Variants in FOXP1 observed in about 807,000 individuals in gnomAD.
FOXP1 encodes forkhead box P1, also known as forkhead box protein P1.
FOXP1 carries 15 observed loss-of-function variants against 98.2 expected under a neutral mutation model. The observed-to-expected ratio is 0.15, with a 90% CI of 0.10 to 0.24. FOXP1 has a LOEUF of 0.24. FOXP1 is among the 10% of genes least tolerant of loss of function. The pLI, the probability that FOXP1 is intolerant of heterozygous loss-of-function variation, is 1.00. For synonymous variants in FOXP1, 371 were observed against 314.5 expected (o/e 1.18, Z -1.90); for missense variants, 633 against 848.5 (o/e 0.75, Z 3.15).
chr3:71,169,997 T>C (rs1438540434), intron 6 of FOXP1, among the ~76,000 whole-genome samples: 1 of 152,094 alleles, frequency 6.6e-6, no homozygotes, highest in Non-Finnish European at 1.5e-5. Context: ...AATCACGAGA[T>C]AGGCCCCATT....
intron 3 of FOXP1, among the ~76,000 whole-genome samples, chr3:71,472,434 ACTTTTC>A (rs2089447954): frequency 7.2e-6 from 1 of 139,062 alleles, no homozygotes; most frequent in Non-Finnish European, 1.6e-5. Context: ...GTAAAATCAT[ACTTTTC>A]CTTTTTTTTT....
At chr3:71,126,864 AAAC>A (rs761370758) in intron 6 of FOXP1, among the ~76,000 whole-genome samples, 46 of 49,008 alleles carry the variant, frequency 9.4e-4, no homozygotes, top group Admixed American at 3.5e-3. Context: ...AGAAAAAAAA[AAAC>A]AAACAAAAAA....
chr3:71,548,960 G>A (rs960057649), intron 2 of FOXP1, among the ~76,000 whole-genome samples: 18 of 152,286 alleles, frequency 1.2e-4, no homozygotes, highest in African/African-American at 4.3e-4. Flanking sequence ...CTAAGGCGGT[G>A]TGTTTAAATA....
chr3:71,149,285 A>C (rs967412864), intron 6 of FOXP1, among the ~76,000 whole-genome samples: 3 of 152,212 alleles, frequency 2.0e-5, no homozygotes, highest in African/African-American at 7.2e-5. Context: ...GAGGCAGGGT[A>C]TTCATAAATG....
intron 3 of FOXP1, among the ~76,000 whole-genome samples, chr3:71,401,792 GA>G (rs2081972283): frequency 6.6e-6 from 1 of 152,144 alleles, no homozygotes; most frequent in African/African-American, 2.4e-5. Context: ...AATGAAGCGG[GA>G]TATCTCTCTT....
At chr3:71,141,391 T>C (rs2060064527) in intron 6 of FOXP1, among the ~76,000 whole-genome samples, 1 of 152,158 alleles carries the variant, frequency 6.6e-6, no homozygotes, top group South Asian at 2.1e-4. Context: ...AAAATCATTC[T>C]TCTTTGGCTC....
Position 71,569,908 on chromosome 3 carries a change from G to A in FOXP1, c.-298+11641C>T, listed in dbSNP as rs147242706. On this transcript the variant is annotated intron_variant, in intron 2 of 20. Transcript: ENST00000649528. The stretch of plus-strand genomic sequence containing the variant: ...GGCCATTCTCCTGCCTCAGCCTCCC[G>A]AGTAGCTGGGACTACAGGCGCCAGC... 3.0e-3 allele frequency among the ~76,000 whole-genome samples: 450 copies of A among 151,758 alleles called. 3 individuals carry two copies. Among genetic ancestry groups the A allele is most frequent in the African/African-American group, 0.01 (429 of 41,306 alleles).
At chr3:71,502,264 G>A (rs774169315) in intron 2 of FOXP1, among the ~76,000 whole-genome samples, 22 of 152,216 alleles carry the variant, frequency 1.4e-4, no homozygotes, top group Non-Finnish European at 2.6e-4. Flanking sequence ...GCAAGTGGCG[G>A]CCCGGTCCCC....
intron 5 of FOXP1, among the ~76,000 whole-genome samples, chr3:71,246,072 CAA>C (rs1168354872): frequency 6.6e-6 from 1 of 151,300 alleles, no homozygotes; most frequent in Non-Finnish European, 1.5e-5. Flanking sequence ...AGGAGGGTAA[CAA>C]TGCTGATGGG....
rs187609789 is a variant in FOXP1 at position 71,445,533 on chromosome 3, T to C, written c.-168+47893A>G. ...CTTTCAACCAAGTCAATTTGCCCTA[T>C]ATAAAGGGCCTTTCTTTGTTGAATT... On this transcript the variant is annotated intron_variant, in intron 3 of 20. Transcript: ENST00000649528. Among the ~76,000 whole-genome samples the C allele has an allele frequency of 1.4e-3, 220 of 152,290 alleles. No homozygotes were observed. In the Middle Eastern group the frequency reaches 0.041, roughly 28 times the overall value.
intron 6 of FOXP1, among the ~76,000 whole-genome samples, chr3:71,144,888 C>T (rs1224460858): frequency 1.3e-5 from 2 of 152,184 alleles, no homozygotes; most frequent in African/African-American, 4.8e-5. Context: ...GTCTCTATCA[C>T]TGTTTTGTCT....
intron 18 of FOXP1, chr3:70,971,818 AAAAGCATT>A (rs1363709802): frequency 4.8e-6 from 2 of 417,264 alleles, no homozygotes; most frequent in Non-Finnish European, 8.3e-6. Flanking sequence ...AAGACGTCAA[AAAAGCATT>A]ATTCAAGGCA....
At chr3:71,236,876 G>GA (rs1034404699) in intron 5 of FOXP1, among the ~76,000 whole-genome samples, 29 of 135,924 alleles carry the variant, frequency 2.1e-4, no homozygotes, top group Admixed American at 4.4e-4. Context: ...CTGTCTTAAG[G>GA]AAAAAAAAAA....
intron 11 of FOXP1, among the ~76,000 whole-genome samples, chr3:71,025,767 A>C (rs941353354): frequency 1.3e-5 from 2 of 152,206 alleles, no homozygotes; most frequent in Admixed American, 6.5e-5. Flanking sequence ...TGTTTACCAG[A>C]TATTACACTG....
At chr3:71,469,492 T>C (rs867390825) in intron 3 of FOXP1, among the ~76,000 whole-genome samples, 1 of 152,228 alleles carries the variant, frequency 6.6e-6, no homozygotes, top group Non-Finnish European at 1.5e-5. Context: ...TGCAAAATTG[T>C]TTCCATTTTA....
chr3:71,491,440 T>C (rs2091052759), intron 3 of FOXP1, among the ~76,000 whole-genome samples: 1 of 152,218 alleles, frequency 6.6e-6, no homozygotes, highest in Admixed American at 6.5e-5. Context: ...CCGAACAACT[T>C]GCCCAAGGCC....
chr3:71,405,422 G>T (rs1009999303), intron 3 of FOXP1, among the ~76,000 whole-genome samples: 2 of 152,148 alleles, frequency 1.3e-5, no homozygotes, highest in East Asian at 3.9e-4. Flanking sequence ...ACACACAAAA[G>T]CTCTTTCACA....
At chr3:71,296,302 A>T (rs1347659378) in intron 5 of FOXP1, 4 of 152,226 alleles carry the variant, frequency 2.6e-5, no homozygotes, top group African/African-American at 9.7e-5. Flanking sequence ...AGTGTGAAAG[A>T]TGATGCTGAT....
intron 5 of FOXP1, among the ~76,000 whole-genome samples, chr3:71,206,198 G>C (rs2064021077): frequency 6.6e-6 from 1 of 152,160 alleles, no homozygotes; most frequent in African/African-American, 2.4e-5. Flanking sequence ...CCAACCTCTT[G>C]ATCAAATGAG....
Sources: allele counts gnomAD v4.1 joint callset (sites outside exome capture counted in the v4.1 genomes callset), GRCh38; gene constraint gnomAD v4.1.1; transcripts MANE v1.5; gene names NCBI Gene and HGNC (gene_info 2026-07-23, HGNC 2026-07-21).